The following TBC1D1 variants were observed in gnomAD, a reference collection of about 807,000 sequenced individuals.
TBC1D1 encodes the protein TBC1 domain family member 1.
A neutral mutation model predicts 125.6 loss-of-function variants in TBC1D1; 89 were observed. The ratio of observed to expected loss-of-function variants is 0.71; its 90% CI spans 0.60 to 0.85. The LOEUF is 0.85. Among genes scored for constraint, TBC1D1 ranks in the 40% least tolerant of loss-of-function variants. The pLI is 0.00. For synonymous variants in TBC1D1, 565 were observed against 564.1 expected, an observed-to-expected ratio of 1.00 and a Z score of -0.02; for missense variants, 1,377 against 1,469.2, an observed-to-expected ratio of 0.94 and a Z score of 1.03.
chr4:38,092,201 G>A (rs1012372256), intron 13 of TBC1D1, among the ~76,000 whole-genome samples: 13 of 152,146 alleles, frequency 8.5e-5, no homozygotes, highest in African/African-American at 2.9e-4. Context: ...TGTACAGTAA[G>A]TATTCACTTA....
At chr4:38,053,122 G>T in intron 11 of TBC1D1, 1 of 1,520,646 alleles carries the variant, frequency 6.6e-7, no homozygotes, top group Admixed American at 2.2e-5. Context: ...CTACCGTAAT[G>T]CCCTGCGGAA....
At chr4:38,040,893 G>A (rs147768324) in intron 8 of TBC1D1, among the ~76,000 whole-genome samples, 8 of 152,322 alleles carry the variant, frequency 5.3e-5, no homozygotes, top group East Asian at 3.9e-4. Context: ...TACCTTAGGC[G>A]TGTATTTCCC....
chr4:38,049,712 GTCATC>G lies in TBC1D1; in HGVS notation c.1727_1731del (p.His576ProfsTer58). ...GAGGACCTGTCCAGTGACTCGGAGA[GTCATC>G]TCCCAGAAGAGCCAGCTCCGCTGTC... On this transcript the variant is annotated frameshift_variant, in exon 11 of 20. Transcript: ENST00000261439. LOFTEE classifies it high-confidence loss of function. 1 of 1,614,192 alleles carries G rather than the reference GTCATC, an allele frequency of 6.2e-7. No individual in the cohort carries two copies. The highest frequency in any genetic ancestry group is 8.5e-7 in the Non-Finnish European group (1 of 1,180,034).
At chr4:37,999,958 A>G (rs771909626) in intron 2 of TBC1D1, among the ~76,000 whole-genome samples, 1 of 152,224 alleles carries the variant, frequency 6.6e-6, no homozygotes, top group Non-Finnish European at 1.5e-5. Flanking sequence ...TGAAAAGATT[A>G]TAATGTGCTG....
chr4:38,052,728 G>GCACACACACACACACACACACA (rs56153191), intron 11 of TBC1D1, among the ~76,000 whole-genome samples: 2 of 118,344 alleles, frequency 1.7e-5, no homozygotes, highest in Non-Finnish European at 1.7e-5. Context: ...GCGCGCGCGC[G>GCACACACACACACACACACACA]CACACACACA....
intron 2 of TBC1D1, among the ~76,000 whole-genome samples, chr4:38,012,803 T>G (rs1319115201): frequency 6.6e-6 from 1 of 152,126 alleles, no homozygotes; most frequent in Non-Finnish European, 1.5e-5. Context: ...TTTGGCTATT[T>G]TGTTTTTTTT....
intron 15 of TBC1D1, chr4:38,110,426 C>T: frequency 1.0e-6 from 1 of 985,370 alleles, no homozygotes; most frequent in Non-Finnish European, 1.2e-6. Flanking sequence ...CTTCCCCCTC[C>T]AAGTGATAAA....
intron 2 of TBC1D1, among the ~76,000 whole-genome samples, chr4:37,996,467 A>G (rs1296233660): frequency 1.3e-5 from 2 of 152,150 alleles, no homozygotes; most frequent in Non-Finnish European, 2.9e-5. Context: ...TCAAAGTTAA[A>G]GAAAGGGAGT....
At position 38,001,219 on chromosome 4, in the gene TBC1D1, CAAAA is replaced by C. The variant is rs1401414089; in HGVS notation, c.418-13286_418-13283del. Among the ~76,000 whole-genome samples the C allele has an allele frequency of 3.1e-4, 37 of 120,208 alleles. 1 individual carries two copies. Among genetic ancestry groups the C allele is most frequent in the African/African-American group, 1.2e-3 (29 of 25,078 alleles). The allele number at this position is 120,208 out of a possible 152,430, so 78.9% of individuals were successfully genotyped here. On this transcript the variant is annotated intron_variant, in intron 2 of 19. Coordinates refer to ENST00000261439, the MANE Select transcript of TBC1D1 (RefSeq NM_015173.4). The stretch of plus-strand genomic sequence containing the variant: ...TGAGCAACAGAGTAAGACTCCGTCT[CAAAA>C]AAAGAAAGAAAGAAAGAAAGAATAC...
At chr4:38,077,652 T>C (rs1755828337) in intron 12 of TBC1D1, among the ~76,000 whole-genome samples, 1 of 148,354 alleles carries the variant, frequency 6.7e-6, no homozygotes, top group South Asian at 2.1e-4. Flanking sequence ...TTTTTTTGCC[T>C]TCAATGAATT....
At chr4:37,958,063 C>A (rs935314363) in intron 2 of TBC1D1, among the ~76,000 whole-genome samples, 10 of 152,202 alleles carry the variant, frequency 6.6e-5, no homozygotes, top group Non-Finnish European at 1.3e-4. Flanking sequence ...ACACAGATGG[C>A]TACAGTTACT....
At chr4:37,917,596 G>A (rs1274355172) in intron 2 of TBC1D1, among the ~76,000 whole-genome samples, 2 of 152,184 alleles carry the variant, frequency 1.3e-5, no homozygotes, top group African/African-American at 2.4e-5. Flanking sequence ...GCCGCACAGG[G>A]CAGAGAGCCA....
chr4:38,020,721 C>T, intron 5 of TBC1D1, 26 bp downstream of exon 5: 1 of 1,594,112 alleles, frequency 6.3e-7, no homozygotes, highest in Non-Finnish European at 8.6e-7. Context: ...CAATTCTTAC[C>T]TTGGAACCTT....
intron 9 of TBC1D1, among the ~76,000 whole-genome samples, chr4:38,045,507 A>G (rs565346733): frequency 2.0e-5 from 3 of 152,164 alleles, no homozygotes; most frequent in African/African-American, 7.2e-5. Flanking sequence ...GACCCAGGGG[A>G]GGGAGTTAGT....
chr4:38,107,583 T>TTTG (rs1206388633), intron 15 of TBC1D1, among the ~76,000 whole-genome samples: 2 of 141,294 alleles, frequency 1.4e-5, no homozygotes, highest in Non-Finnish European at 3.1e-5. Flanking sequence ...ACAGGTTTTT[T>TTTG]TTTTTTTTTT....
intron 2 of TBC1D1, among the ~76,000 whole-genome samples, chr4:37,906,643 C>G (rs192413358): frequency 1.3e-5 from 2 of 152,280 alleles, no homozygotes; most frequent in South Asian, 2.1e-4. Context: ...AAACTGATGT[C>G]TTATCCTTCT....
chr4:38,000,367 A>T (rs1738801976), intron 2 of TBC1D1, among the ~76,000 whole-genome samples: 1 of 152,200 alleles, frequency 6.6e-6, no homozygotes, highest in Non-Finnish European at 1.5e-5. Flanking sequence ...CAGATGGAGT[A>T]TCCCTTATCC....
chr4:38,051,052 T>C (rs1013045503), intron 11 of TBC1D1, among the ~76,000 whole-genome samples: 4 of 152,238 alleles, frequency 2.6e-5, no homozygotes, highest in African/African-American at 9.6e-5. Flanking sequence ...GCCTCACCAC[T>C]GCCTGCCCAC....
rs151073867 is a variant in TBC1D1 at position 37,902,149 on chromosome 4, G to A, written c.54G>A (p.Ser18=). The change falls in exon 2 of 20, where the codon TCG becomes TCA. Residue 18 remains serine, a synonymous_variant. Transcript: ENST00000261439. Reference sequence around the variant, plus strand: ...AACATCTGCTTTCTAACGAGGTCTCGGTGGATTTTGGCCTGCAGCTGGTGG... The same window carrying A: ...AACATCTGCTTTCTAACGAGGTCTCAGTGGATTTTGGCCTGCAGCTGGTGG... 187 of 1,613,220 alleles carry A rather than the reference G, an allele frequency of 1.2e-4. No individual in the cohort carries two copies. Among genetic ancestry groups the A allele is most frequent in the African/African-American group, 2.1e-4 (16 of 74,918 alleles).
Sources: allele counts gnomAD v4.1 joint callset (sites outside exome capture counted in the v4.1 genomes callset), GRCh38; gene constraint gnomAD v4.1.1; transcripts MANE v1.5; gene names NCBI Gene and HGNC (gene_info 2026-07-23, HGNC 2026-07-21).